Variants in ABCB7 observed in about 807,000 individuals in gnomAD.
The protein encoded by ABCB7 is ATP binding cassette subfamily B member 7, also known as iron-sulfur clusters transporter ABCB7, mitochondrial.
In ABCB7, 7 loss-of-function variants were observed where a neutral mutation model predicts 54.4. That is an observed-to-expected ratio of 0.13 (90% confidence interval 0.07 to 0.24). The LOEUF (loss-of-function observed/expected upper bound fraction) is 0.24, where lower values mean the gene tolerates loss of function less well. Among genes scored for constraint, ABCB7 ranks in the 10% least tolerant of loss-of-function variants. ABCB7 has a pLI of 1.00. For synonymous variants in ABCB7, 218 were observed against 207.1 expected (o/e 1.05, Z -0.45); for missense variants, 356 against 570.4 (o/e 0.62, Z 3.83).
chrX:75,100,149 A>G (rs925088019), intron 3 of ABCB7, among the ~76,000 whole-genome samples: 12 of 110,441 alleles, frequency 1.1e-4, no homozygotes, highest in Admixed American at 1.1e-3. Context: ...TCTTGAATCT[A>G]TTTCTTTCCA....
chrX:75,141,326 A>G (rs1320530678), intron 1 of ABCB7, among the ~76,000 whole-genome samples: 2 of 111,935 alleles, frequency 1.8e-5, no homozygotes, highest in East Asian at 2.8e-4. Context: ...ATGACAGAAC[A>G]TAACAGTCAC....
At chrX:75,081,707 C>T (rs1031024632) in intron 4 of ABCB7, among the ~76,000 whole-genome samples, 4 of 111,547 alleles carry the variant, frequency 3.6e-5, no homozygotes, top group African/African-American at 1.3e-4. Flanking sequence ...GAAATCCCAG[C>T]GCTTGTTAAT....
Position 75,055,325 on chromosome X carries a change from T to C in ABCB7, c.2044-1740A>G, listed in dbSNP as rs193107385. Among the ~76,000 whole-genome samples the C allele has an allele frequency of 3.6e-3, 393 of 109,233 alleles. 1 individual carries two copies. Among genetic ancestry groups the C allele is most frequent in the African/African-American group, 0.01 (316 of 30,096 alleles). 94.9% of individuals were successfully genotyped at this position (109,233 alleles called of 115,157 possible). A position where few individuals can be genotyped will look rare whatever the true frequency, so the allele number is the denominator to read the frequency against. On this transcript the variant is annotated intron_variant, in intron 15 of 15. Transcript: ENST00000373394. ...GAATGAGCTGCAGACATCATTACAC[T>C]TCACCCCTAAATATTTCATTAGCAT...
chrX:75,070,330 C>T lies in ABCB7; in HGVS notation c.1365+35G>A, dbSNP rs765188593. ...AATCCTACTAATAGGATGATGTTCA[C>T]ATACTTTTGAAAAGGTACTATATAG... On this transcript the variant is annotated intron_variant, in intron 10 of 15. Coordinates refer to ENST00000373394, the MANE Select transcript of ABCB7 (RefSeq NM_001271696.3). 3 of 1,167,102 alleles carry T rather than the reference C, an allele frequency of 2.6e-6. No individual in the cohort carries two copies. The East Asian group carries it at 8.9e-5, about 35-fold the overall frequency.
chrX:75,123,592 T>C (rs2081899268), intron 1 of ABCB7, among the ~76,000 whole-genome samples: 1 of 111,780 alleles, frequency 8.9e-6, no homozygotes, highest in South Asian at 3.7e-4. Flanking sequence ...TTGTGTTGGG[T>C]AGTGTGGAAA....
intron 2 of ABCB7, among the ~76,000 whole-genome samples, chrX:75,113,864 C>A (rs1034677759): frequency 2.7e-5 from 3 of 111,819 alleles, no homozygotes; most frequent in African/African-American, 9.7e-5. Flanking sequence ...ATTTTTGGAT[C>A]AATAATCTCA....
rs867362036 is a variant in ABCB7, at chrX:75,070,612, C to G, written c.1208-90G>C. 1.1e-5 allele frequency: 10 copies of G among 908,307 alleles called. 1 individual carries two copies. In the Middle Eastern group the frequency reaches 2.8e-3, roughly 258 times the overall value. The allele number at this position is 908,307 out of a possible 1,213,427, so 74.9% of individuals were successfully genotyped here. ...AGGTTTATAGTCTATTACGACGGAACAAAATATTCTTAATCAGCAACAACT... is the reference window on the plus strand; with the variant it reads ...AGGTTTATAGTCTATTACGACGGAAGAAAATATTCTTAATCAGCAACAACT... On this transcript the variant is annotated intron_variant, in intron 9 of 15. Transcript: ENST00000373394.
At chrX:75,113,747 T>C (rs2081783454) in intron 2 of ABCB7, among the ~76,000 whole-genome samples, 1 of 111,940 alleles carries the variant, frequency 8.9e-6, no homozygotes, top group South Asian at 3.7e-4. Flanking sequence ...AGCATAGCAA[T>C]ATCAGCTCTG....
chrX:75,118,044 A>G (rs2081839480), intron 1 of ABCB7, among the ~76,000 whole-genome samples: 1 of 112,300 alleles, frequency 8.9e-6, no homozygotes, highest in Non-Finnish European at 1.9e-5. Context: ...TTGTGCTATG[A>G]ATTTGTCTTT....
At chrX:75,148,273 G>A (rs892769049) in intron 1 of ABCB7, among the ~76,000 whole-genome samples, 2 of 111,370 alleles carry the variant, frequency 1.8e-5, no homozygotes, top group African/African-American at 6.5e-5. Context: ...GCTTAAACAT[G>A]AAATATTTTT....
chrX:75,070,514 T>C lies in ABCB7; in HGVS notation c.1216A>G (p.Thr406Ala). ...TTCACCATTACTAGATCTCCAACAG[T>C]AAGGGTACCTTAAAAGGCAGAAGAA... ...ASQGIVAGTL[T>A]VGDLVMVNGL... The change falls in exon 10 of 16, where the codon ACT becomes GCT. Residue 406 changes from threonine (T) to alanine (A), a missense_variant. Thr to Ala is a moderately conservative substitution (Grantham distance 58). Coordinates refer to ENST00000373394, the MANE Select transcript of ABCB7 (RefSeq NM_001271696.3). 8.3e-7 allele frequency: 1 copy of C among 1,209,398 alleles called. No individual in the cohort carries two copies. The highest frequency in any genetic ancestry group is 2.2e-5 in the Admixed American group (1 of 45,902).
intron 15 of ABCB7, among the ~76,000 whole-genome samples, chrX:75,059,368 G>C (rs2081264879): frequency 1.8e-5 from 2 of 109,700 alleles, no homozygotes; most frequent in Non-Finnish European, 3.8e-5. Context: ...CTACTTGGGG[G>C]GCTGAGGTGG....
chrX:75,066,141 T>C (rs936870716), intron 12 of ABCB7, among the ~76,000 whole-genome samples: 1 of 111,757 alleles, frequency 8.9e-6, no homozygotes, highest in African/African-American at 3.2e-5. Context: ...TATTCTCACA[T>C]GGCACACTAA....
intron 1 of ABCB7, among the ~76,000 whole-genome samples, chrX:75,153,734 G>T (rs1347734135): frequency 2.1e-5 from 1 of 47,852 alleles, no homozygotes; most frequent in Non-Finnish European, 4.4e-5. Flanking sequence ...GGGACTGTGT[G>T]TGTGTGTGTG....
chrX:75,074,275 A>C (rs774660787), intron 6 of ABCB7, among the ~76,000 whole-genome samples: 1 of 111,720 alleles, frequency 9.0e-6, no homozygotes, highest in African/African-American at 3.2e-5. Flanking sequence ...TAATCATTAG[A>C]GAAATGCAAA....
At chrX:75,144,478 T>C (rs2082077232) in intron 1 of ABCB7, among the ~76,000 whole-genome samples, 1 of 111,507 alleles carries the variant, frequency 9.0e-6, no homozygotes, top group African/African-American at 3.3e-5. Context: ...TTTTTTCTAA[T>C]CCTGGTGAAA....
chrX:75,103,653 A>G (rs1215002172), intron 3 of ABCB7, among the ~76,000 whole-genome samples: 1 of 110,968 alleles, frequency 9.0e-6, no homozygotes. Context: ...TCTGTGAAAA[A>G]TGATGTTATA....
chrX:75,053,483 C>A lies in ABCB7; in HGVS notation c.2146G>T (p.Asp716Tyr). Residue 716 changes from aspartate to tyrosine, a missense_variant, in exon 16 of 16, where the codon GAT (aspartate) becomes TAT (tyrosine). Coordinates refer to ENST00000373394, the MANE Select transcript of ABCB7 (RefSeq NM_001271696.3). ...TTCTTTGCTTCCCATTTGGGGTTAT[C>A]ATGGTTCTGCACACGGCTGCTCTGT... ...HTQSSRVQNH[D>Y]NPKWEAKKEN... The A allele has an allele frequency of 8.3e-7, 1 of 1,211,303 alleles. No homozygotes were observed. The highest frequency in any genetic ancestry group is 2.3e-4 in the Middle Eastern group (1 of 4,354).
intron 4 of ABCB7, chrX:75,097,385 G>C (rs1049593199): frequency 9.0e-6 from 1 of 111,526 alleles, no homozygotes; most frequent in South Asian, 3.8e-4. Context: ...TCCCCATGAT[G>C]GTGGTTCCTA....
Sources: gnomAD v4.1 joint callset for allele counts (sites outside exome capture counted in the v4.1 genomes callset) on GRCh38, gnomAD v4.1.1 for gene constraint, MANE v1.5 for transcripts, NCBI Gene and HGNC (gene_info 2026-07-23, HGNC 2026-07-21) for gene names.